Variants in AKAIN1 observed in about 807,000 individuals in gnomAD.
The protein encoded by AKAIN1 is A-kinase anchor protein inhibitor 1.
Under a neutral mutation model 3.7 loss-of-function variants are expected in AKAIN1, and 3 were observed. The observed-to-expected ratio is 0.82, with a 90% CI of 0.37 to 2.12. The LOEUF (loss-of-function observed/expected upper bound fraction) is 2.12. Ranked by LOEUF, AKAIN1 falls within the 30% of genes most tolerant of loss-of-function variation. The pLI, the probability that AKAIN1 is intolerant of heterozygous loss-of-function variation, is 0.06. For missense variants in AKAIN1, 82 were observed against 82.7 expected (o/e 0.99, Z 0.03); for synonymous variants, 31 against 30.8 (o/e 1.01, Z -0.02).
In AKAIN1 at chr18:5,146,608, T is replaced by C. The variant is rs375433288; in HGVS notation, c.17-853A>G. On this transcript the variant is annotated intron_variant, in intron 1 of 1. Transcript: ENST00000434239. ...AGTGAAACTATCCGAAGCTGCCCAC[T>C]GTGATCTAAAGCAGGCACTGGCAAA... Among the ~76,000 whole-genome samples, 35 of 152,328 alleles carry C rather than the reference T, an allele frequency of 2.3e-4. No individual in the cohort carries two copies. The East Asian group carries it at 4.1e-3, about 18-fold the overall frequency.
intron 1 of AKAIN1, among the ~76,000 whole-genome samples, chr18:5,172,373 A>G (rs927294943): frequency 1.3e-5 from 2 of 152,164 alleles, no homozygotes; most frequent in South Asian, 4.1e-4. Flanking sequence ...TGATGTGATT[A>G]TTACCCATTG....
chr18:5,175,826 C>T (rs1234183457), intron 1 of AKAIN1, among the ~76,000 whole-genome samples: 5 of 151,668 alleles, frequency 3.3e-5, no homozygotes, highest in African/African-American at 1.2e-4. Context: ...TTTTTTTTAA[C>T]TTAGTTAAAC....
chr18:5,163,271 C>A (rs2071149825), intron 1 of AKAIN1, among the ~76,000 whole-genome samples: 1 of 152,002 alleles, frequency 6.6e-6, no homozygotes, highest in Non-Finnish European at 1.5e-5. Context: ...TTTAGAGAAA[C>A]AAGAGTCAAG....
intron 1 of AKAIN1, among the ~76,000 whole-genome samples, chr18:5,162,656 G>A (rs1421958685): frequency 6.7e-6 from 1 of 150,168 alleles, no homozygotes; most frequent in Non-Finnish European, 1.5e-5. Context: ...GTGTGTGTGT[G>A]TGTGTGTGTA....
chr18:5,179,192 C>T (rs2071243197), intron 1 of AKAIN1, among the ~76,000 whole-genome samples: 1 of 152,034 alleles, frequency 6.6e-6, no homozygotes, highest in African/African-American at 2.4e-5. Context: ...TATCTCGCAC[C>T]CACTTCCTGC....
chr18:5,193,632 A>G (rs779385292), intron 1 of AKAIN1, among the ~76,000 whole-genome samples: 1 of 152,226 alleles, frequency 6.6e-6, no homozygotes, highest in African/African-American at 2.4e-5. Context: ...AATTAGGCCA[A>G]GAAATATCCT....
chr18:5,181,534 C>G (rs2071258717), intron 1 of AKAIN1, among the ~76,000 whole-genome samples: 1 of 152,076 alleles, frequency 6.6e-6, no homozygotes, highest in Non-Finnish European at 1.5e-5. Flanking sequence ...AGCTCCCTTG[C>G]CTTTTCTTAC....
chr18:5,191,927 T>C (rs2071320741), intron 1 of AKAIN1, among the ~76,000 whole-genome samples: 1 of 152,230 alleles, frequency 6.6e-6, no homozygotes, highest in South Asian at 2.1e-4. Context: ...ATATTTCTTA[T>C]ACACATATAT....
chr18:5,195,269 A>G (rs1374137442), intron 1 of AKAIN1, among the ~76,000 whole-genome samples: 1 of 152,222 alleles, frequency 6.6e-6, no homozygotes, highest in Non-Finnish European at 1.5e-5. Flanking sequence ...ACAAAACTTG[A>G]AAGTAAAATG....
chr18:5,180,691 G>C (rs555956078), intron 1 of AKAIN1, among the ~76,000 whole-genome samples: 29 of 152,196 alleles, frequency 1.9e-4, no homozygotes, highest in African/African-American at 7.0e-4. Flanking sequence ...TAAATTCCCT[G>C]GTTGGAGAGT....
chr18:5,172,595 C>A (rs1416220955), intron 1 of AKAIN1, among the ~76,000 whole-genome samples: 1 of 151,714 alleles, frequency 6.6e-6, no homozygotes, highest in African/African-American at 2.4e-5. Context: ...TGTGTTTTTG[C>A]CTCTAAGAAA....
At chr18:5,146,942 C>A (rs2071052844) in intron 1 of AKAIN1, among the ~76,000 whole-genome samples, 1 of 152,230 alleles carries the variant, frequency 6.6e-6, no homozygotes, top group East Asian at 1.9e-4. Context: ...CTACCCAGCA[C>A]TGATTCTCTG....
intron 1 of AKAIN1, among the ~76,000 whole-genome samples, chr18:5,152,536 G>A (rs2071085696): frequency 6.6e-6 from 1 of 152,036 alleles, no homozygotes; most frequent in Non-Finnish European, 1.5e-5. Context: ...CATTAAACCT[G>A]TTTTCCTCTG....
At chr18:5,146,800 G>A (rs2071052078) in intron 1 of AKAIN1, among the ~76,000 whole-genome samples, 1 of 152,174 alleles carries the variant, frequency 6.6e-6, no homozygotes, top group Admixed American at 6.5e-5. Context: ...CTATGGATGA[G>A]TGCATATGGC....
intron 1 of AKAIN1, among the ~76,000 whole-genome samples, chr18:5,193,801 T>C (rs1419345556): frequency 6.6e-6 from 1 of 152,136 alleles, no homozygotes; most frequent in African/African-American, 2.4e-5. Context: ...CTCCCAGAAA[T>C]GTTTTTCCTC....
chr18:5,157,563 CCT>C (rs1281903831), intron 1 of AKAIN1, among the ~76,000 whole-genome samples: 2 of 152,072 alleles, frequency 1.3e-5, no homozygotes, highest in Non-Finnish European at 2.9e-5. Context: ...CCTCACCCGT[CCT>C]CTCACTTAGC....
chr18:5,181,363 G>T (rs889885954), intron 1 of AKAIN1, among the ~76,000 whole-genome samples: 12 of 152,118 alleles, frequency 7.9e-5, no homozygotes, highest in African/African-American at 2.9e-4. Context: ...TCTGCTCATT[G>T]CAGCAAATCC....
chr18:5,180,937 A>G (rs1451470057), intron 1 of AKAIN1, among the ~76,000 whole-genome samples: 1 of 152,072 alleles, frequency 6.6e-6, no homozygotes, highest in African/African-American at 2.4e-5. Flanking sequence ...GAGATATTAC[A>G]TTCATAATTT....
At chr18:5,167,300 T>A (rs2071172708) in intron 1 of AKAIN1, among the ~76,000 whole-genome samples, 1 of 152,046 alleles carries the variant, frequency 6.6e-6, no homozygotes, top group Admixed American at 6.6e-5. Flanking sequence ...CACATTCACA[T>A]CCCAACCAGC....
Sources: gnomAD v4.1 joint callset for allele counts (sites outside exome capture counted in the v4.1 genomes callset) on GRCh38, gnomAD v4.1.1 for gene constraint, MANE v1.5 for transcripts, NCBI Gene and HGNC (gene_info 2026-07-23, HGNC 2026-07-21) for gene names.